FGGY: variants seen among roughly 807,000 people sequenced by gnomAD.
The protein encoded by FGGY is FGGY carbohydrate kinase domain containing, also known as FGGY carbohydrate kinase domain-containing protein.
In FGGY, 72 loss-of-function variants were observed where a neutral mutation model predicts 71.3. The observed-to-expected ratio is 1.01, with a 90% CI of 0.84 to 1.23. The LOEUF (loss-of-function observed/expected upper bound fraction) is 1.23, where lower values mean the gene tolerates loss of function less well. Among genes scored for constraint, FGGY ranks in the 50% most tolerant of loss-of-function variants. The probability of loss-of-function intolerance (pLI) is 0.00; values close to 1 mark genes in which losing one functional copy is unlikely to be tolerated. For synonymous variants in FGGY, 251 were observed against 250.3 expected (o/e 1.00, Z -0.02); for missense variants, 668 against 682.3 (o/e 0.98, Z 0.23).
chr1:59,567,320 A>T (rs978501437), intron 8 of FGGY, among the ~76,000 whole-genome samples: 5 of 151,416 alleles, frequency 3.3e-5, no homozygotes, highest in Non-Finnish European at 4.4e-5. Context: ...GCAGGCCAAA[A>T]ATATATATAT....
chr1:59,568,659 T>C (rs890821596), intron 8 of FGGY, among the ~76,000 whole-genome samples: 10 of 152,148 alleles, frequency 6.6e-5, no homozygotes, highest in African/African-American at 2.2e-4. Flanking sequence ...AGGTGTCACC[T>C]TCCTAAGGCC....
At chr1:59,571,138 G>A (rs1301050617) in intron 8 of FGGY, among the ~76,000 whole-genome samples, 1 of 152,140 alleles carries the variant, frequency 6.6e-6, no homozygotes, top group Admixed American at 6.5e-5. Context: ...TCATTGCATT[G>A]ACATCTGTAA....
At chr1:59,743,048 C>G (rs2098163898) in intron 14 of FGGY, among the ~76,000 whole-genome samples, 1 of 152,146 alleles carries the variant, frequency 6.6e-6, no homozygotes, top group African/African-American at 2.4e-5. Flanking sequence ...TAACTCAAAA[C>G]CTTTTAACAT....
At chr1:59,298,400 G>C (rs1401323943) in intron 1 of FGGY, among the ~76,000 whole-genome samples, 2 of 152,310 alleles carry the variant, frequency 1.3e-5, no homozygotes, top group East Asian at 1.9e-4. Context: ...TTGGGAGCCT[G>C]CCTGGCTGGA....
chr1:59,573,106 C>T lies in FGGY; in HGVS notation c.903+18879C>T, dbSNP rs566935908. 2.6e-4 allele frequency among the ~76,000 whole-genome samples: 40 copies of T among 152,044 alleles called. No individual in the cohort carries two copies. In the South Asian group the frequency reaches 8.3e-3, roughly 32 times the overall value. ...ACTTGCCTCTAGTCTTCAAAAATGC[C>T]AAGGTCATAAAAGAAAAACTACAGG... is the stretch of plus-strand genomic sequence containing the variant. On this transcript the variant is annotated intron_variant, in intron 8 of 15. Transcript: ENST00000303721.
chr1:59,516,629 G>A (rs1484878966), intron 7 of FGGY, among the ~76,000 whole-genome samples: 5 of 152,188 alleles, frequency 3.3e-5, no homozygotes, highest in Admixed American at 1.3e-4. Flanking sequence ...TTGTGATTCT[G>A]TATAGGTTGA....
intron 6 of FGGY, among the ~76,000 whole-genome samples, chr1:59,467,210 A>T (rs1014477268): frequency 3.3e-5 from 5 of 152,172 alleles, no homozygotes; most frequent in Non-Finnish European, 1.5e-5. Flanking sequence ...AGGGACATGG[A>T]TGAAGCTGGA....
chr1:59,526,930 A>G (rs1416260972), intron 7 of FGGY, among the ~76,000 whole-genome samples: 2 of 152,250 alleles, frequency 1.3e-5, no homozygotes, highest in East Asian at 3.9e-4. Context: ...TATTTTAGAG[A>G]TGCCTTCTCC....
In FGGY at chr1:59,383,268, T is replaced by A. The variant is rs146864437; in HGVS notation, c.554+4431T>A. ...AATCTCCATGGGAGATGTGGGAATT[T>A]GTATGTTAACAAGTGCCTAGGTAGT... On this transcript the variant is annotated intron_variant, in intron 5 of 15. Transcript: ENST00000303721. 2.9e-3 allele frequency among the ~76,000 whole-genome samples: 434 copies of A among 152,276 alleles called. 2 individuals are homozygous for A. Among genetic ancestry groups the A allele is most frequent in the African/African-American group, 9.8e-3 (409 of 41,558 alleles).
At chr1:59,613,699 G>A (rs1225598240) in intron 9 of FGGY, among the ~76,000 whole-genome samples, 1 of 152,132 alleles carries the variant, frequency 6.6e-6, no homozygotes, top group Non-Finnish European at 1.5e-5. Flanking sequence ...AAAAATCGAT[G>A]CATCCAGAAG....
chr1:59,740,333 G>T (rs1304605429), intron 14 of FGGY, among the ~76,000 whole-genome samples: 1 of 152,148 alleles, frequency 6.6e-6, no homozygotes, highest in African/African-American at 2.4e-5. Flanking sequence ...CATGTTCAGA[G>T]AGATGACCTC....
At chr1:59,368,270 G>A (rs74085298) in intron 4 of FGGY, among the ~76,000 whole-genome samples, 3,478 of 152,264 alleles carry the variant, frequency 0.023, 144 homozygotes, top group African/African-American at 0.079. Context: ...GAAATTGTAC[G>A]GAAATGTGCT....
At chr1:59,381,851 G>T (rs534678337) in intron 5 of FGGY, among the ~76,000 whole-genome samples, 31 of 152,280 alleles carry the variant, frequency 2.0e-4, no homozygotes, top group African/African-American at 7.5e-4. Flanking sequence ...GTTAAAAATA[G>T]AGCATATGCT....
chr1:59,485,344 G>T (rs2093625651), intron 6 of FGGY, among the ~76,000 whole-genome samples: 1 of 152,196 alleles, frequency 6.6e-6, no homozygotes, highest in South Asian at 2.1e-4. Context: ...AAGCAGATGT[G>T]TCCTGTGGGA....
chr1:59,472,033 C>T (rs925157070), intron 6 of FGGY, among the ~76,000 whole-genome samples: 1 of 152,270 alleles, frequency 6.6e-6, no homozygotes, highest in Admixed American at 6.5e-5. Context: ...TTTGGCGGCA[C>T]TTGAGCCCTT....
At chr1:59,391,973 T>C (rs1189981684) in intron 5 of FGGY, among the ~76,000 whole-genome samples, 1 of 152,060 alleles carries the variant, frequency 6.6e-6, no homozygotes, top group African/African-American at 2.4e-5. Context: ...GATCTCGTGT[T>C]TCAGGGAACA....
At chr1:59,325,979 C>G (rs537429113) in intron 2 of FGGY, among the ~76,000 whole-genome samples, 1 of 152,316 alleles carries the variant, frequency 6.6e-6, no homozygotes, top group East Asian at 1.9e-4. Context: ...AGGTTATATG[C>G]AGTCCACGAT....
chr1:59,359,553 A>G (rs937230158), intron 4 of FGGY, among the ~76,000 whole-genome samples: 23 of 152,172 alleles, frequency 1.5e-4, no homozygotes, highest in African/African-American at 5.3e-4. Flanking sequence ...AAATGATGGA[A>G]TGAGTTCATT....
At chr1:59,696,957 T>G (rs2097665191) in intron 14 of FGGY, among the ~76,000 whole-genome samples, 1 of 149,972 alleles carries the variant, frequency 6.7e-6, no homozygotes, top group East Asian at 2.0e-4. Context: ...AGGACAAGCA[T>G]CCATATGAAA....
Sources: allele counts gnomAD v4.1 joint callset (sites outside exome capture counted in the v4.1 genomes callset), GRCh38; gene constraint gnomAD v4.1.1; transcripts MANE v1.5; gene names NCBI Gene and HGNC (gene_info 2026-07-23, HGNC 2026-07-21).